Variants in KCNJ2 observed in about 807,000 individuals in gnomAD.
The protein encoded by KCNJ2 is inward rectifier potassium channel 2.
A neutral mutation model predicts 28.4 loss-of-function variants in KCNJ2; 12 were observed. The observed-to-expected ratio is 0.42, with a 90% CI of 0.27 to 0.68. The LOEUF (loss-of-function observed/expected upper bound fraction) is 0.68, where lower values mean the gene tolerates loss of function less well. KCNJ2 is among the 30% of genes least tolerant of loss of function. The pLI, the probability that KCNJ2 is intolerant of heterozygous loss-of-function variation, is 0.23. For missense variants in KCNJ2, 320 were observed against 551.3 expected (o/e 0.58, Z 4.20); for synonymous variants, 200 against 203.2 (o/e 0.98, Z 0.13).
rs2074411232 is a variant in KCNJ2, at chr17:70,178,967, T to A, written c.*2644T>A. 6.0e-6 allele frequency: 1 copy of A among 166,864 alleles called. No individual in the cohort carries two copies. Among genetic ancestry groups the A allele is most frequent in the African/African-American group, 2.4e-5 (1 of 41,384 alleles). The allele number at this position is 166,864 out of a possible 1,614,324, so 10.3% of individuals were successfully genotyped here. A position where few individuals can be genotyped will look rare whatever the true frequency, so the allele number is the denominator to read the frequency against. ...ATATACCAGCCTTATAAGGTTCGTA[T>A]TGCTATGTTCTTCTGTTATTTATTT... On this transcript the variant is annotated 3_prime_UTR_variant, in exon 2 of 2. Coordinates refer to ENST00000243457, the MANE Select transcript of KCNJ2 (RefSeq NM_000891.3).
intron 1 of KCNJ2, among the ~76,000 whole-genome samples, chr17:70,171,540 T>A (rs1268168130): frequency 6.6e-6 from 1 of 151,694 alleles, no homozygotes; most frequent in Non-Finnish European, 1.5e-5. Context: ...TTTTTTTTTT[T>A]AGTTATTTAT....
Position 70,179,138 on chromosome 17 carries a change from C to T in KCNJ2, c.*2815C>T, listed in dbSNP as rs1161723070. 1 of 122,860 alleles carries T rather than the reference C, an allele frequency of 8.1e-6. No individual in the cohort carries two copies. Among genetic ancestry groups the T allele is most frequent in the Non-Finnish European group, 1.7e-5 (1 of 60,068 alleles). 7.6% of individuals were successfully genotyped at this position (122,860 alleles called of 1,614,324 possible). Reference sequence around the variant, plus strand: ...CACAGGTAATGCACGACATTGATTGCTGCATTTTACCTTCAAAATATTTGT... The same window carrying T: ...CACAGGTAATGCACGACATTGATTGTTGCATTTTACCTTCAAAATATTTGT... On this transcript the variant is annotated 3_prime_UTR_variant, in exon 2 of 2. Coordinates refer to ENST00000243457, the MANE Select transcript of KCNJ2 (RefSeq NM_000891.3).
In KCNJ2 at chr17:70,178,637, A is replaced by G. The variant is rs1295980757; in HGVS notation, c.*2314A>G. 2 of 158,842 alleles carry G rather than the reference A, an allele frequency of 1.3e-5. No homozygotes were observed. Among genetic ancestry groups the G allele is most frequent in the African/African-American group, 5.1e-5 (2 of 39,102 alleles). 9.8% of individuals were successfully genotyped at this position (158,842 alleles called of 1,614,324 possible). A position where few individuals can be genotyped will look rare whatever the true frequency, so the allele number is the denominator to read the frequency against. On this transcript the variant is annotated 3_prime_UTR_variant, in exon 2 of 2. Transcript: ENST00000243457. ...TGCTGCCACTTAAAAAGACTTGAGAAATTTGAAAGGGGGTGGGTATGGGGG... is the reference window on the plus strand; with the variant it reads ...TGCTGCCACTTAAAAAGACTTGAGAGATTTGAAAGGGGGTGGGTATGGGGG...
intron 1 of KCNJ2, among the ~76,000 whole-genome samples, chr17:70,173,825 C>A (rs1414328370): frequency 6.6e-6 from 1 of 152,176 alleles, no homozygotes; most frequent in Non-Finnish European, 1.5e-5. Context: ...TTATCTCAAT[C>A]CGCTAAAGAC....
chr17:70,173,684 C>G (rs1016978275), intron 1 of KCNJ2, among the ~76,000 whole-genome samples: 2 of 152,160 alleles, frequency 1.3e-5, no homozygotes, highest in African/African-American at 4.8e-5. Context: ...AGTGCCTTCT[C>G]CATAGGAACC....
chr17:70,175,384 A>G lies in KCNJ2; in HGVS notation c.345A>G (p.Ala115=). The change falls in exon 2 of 2, where the codon GCA becomes GCG. Residue 115 remains alanine (A), a synonymous_variant. Coordinates refer to ENST00000243457, the MANE Select transcript of KCNJ2 (RefSeq NM_000891.3). This position sits in a 1 kb window ranked among gnomAD's most constrained non-coding sequence, Gnocchi z 8.3. ...CTCTGCTCCATGGGGACCTGGATGC[A>G]TCCAAAGAGGGCAAAGCTTGTGTGT... The part of the protein sequence containing the change: ...LIALLHGDLD[A]SKEGKACVSE... 1 of 1,614,130 alleles carries G rather than the reference A, an allele frequency of 6.2e-7. No individual in the cohort carries two copies.
intron 1 of KCNJ2, among the ~76,000 whole-genome samples, chr17:70,173,170 G>A (rs2074373914): frequency 6.6e-6 from 1 of 152,184 alleles, no homozygotes; most frequent in African/African-American, 2.4e-5. Context: ...CTTGGATAAA[G>A]AAGAAGTCAA....
intron 1 of KCNJ2, among the ~76,000 whole-genome samples, chr17:70,171,745 C>T (rs1019537534): frequency 6.6e-6 from 1 of 152,178 alleles, no homozygotes; most frequent in Non-Finnish European, 1.5e-5. Context: ...TTAACATGAA[C>T]AGCACCACAT....
chr17:70,170,296 CAT>C (rs1323425721), intron 1 of KCNJ2, among the ~76,000 whole-genome samples: 1 of 152,018 alleles, frequency 6.6e-6, no homozygotes, highest in African/African-American at 2.4e-5. Flanking sequence ...AAAACTTTCA[CAT>C]TACATATCAC....
rs113415446 is a variant in KCNJ2 at position 70,178,657 on chromosome 17, T to TG, written c.*2342dup. On this transcript the variant is annotated 3_prime_UTR_variant, in exon 2 of 2. Coordinates refer to ENST00000243457, the MANE Select transcript of KCNJ2 (RefSeq NM_000891.3). ...TGAGAAATTTGAAAGGGGGTGGGTA[T>TG]GGGGGGGGCAAGAAAGAGGGAGGGA... 3.2e-3 allele frequency: 175 copies of TG among 54,988 alleles called. No individual in the cohort carries two copies. Among genetic ancestry groups the TG allele is most frequent in the Middle Eastern group, 0.02 (2 of 100 alleles). The allele number at this position is 54,988 out of a possible 1,614,324, so 3.4% of individuals were successfully genotyped here. A position where few individuals can be genotyped will look rare whatever the true frequency, so the allele number is the denominator to read the frequency against.
In KCNJ2 at chr17:70,176,131, G is replaced by A. The variant is rs755990211; in HGVS notation, c.1092G>A (p.Lys364=). ...PLCSARDLAE[K]KYILSNANSF... ...GTAGTGCCAGAGACTTAGCAGAAAA[G>A]AAATATATCCTCTCAAATGCAAATT... The change falls in exon 2 of 2, where the codon AAG becomes AAA. Residue 364 remains lysine, a synonymous_variant. Coordinates refer to ENST00000243457, the MANE Select transcript of KCNJ2 (RefSeq NM_000891.3). 1 of 1,613,900 alleles carries A rather than the reference G, an allele frequency of 6.2e-7. No individual in the cohort carries two copies. Among genetic ancestry groups the A allele is most frequent in the Non-Finnish European group, 8.5e-7 (1 of 1,180,026 alleles).
Position 70,176,397 on chromosome 17 carries a change from G to A in KCNJ2, c.*74G>A, listed in dbSNP as rs1403672606. ...GTCAGAGGCCCAAAACAGTTATACA[G>A]ATGACGGTACTGGTCAAGATGGGTC... is the stretch of plus-strand genomic sequence containing the variant. On this transcript the variant is annotated 3_prime_UTR_variant, in exon 2 of 2. Transcript: ENST00000243457. 7.2e-7 allele frequency: 1 copy of A among 1,387,504 alleles called. No individual in the cohort carries two copies. The highest frequency in any genetic ancestry group is 1.4e-5 in the African/African-American group (1 of 70,434). The allele number at this position is 1,387,504 out of a possible 1,614,324, so 85.9% of individuals were successfully genotyped here. A position where few individuals can be genotyped will look rare whatever the true frequency, so the allele number is the denominator to read the frequency against.
In KCNJ2 at chr17:70,178,035, T is replaced by C. The variant is rs963688225; in HGVS notation, c.*1712T>C. On this transcript the variant is annotated 3_prime_UTR_variant, in exon 2 of 2. Transcript: ENST00000243457. The stretch of plus-strand genomic sequence containing the variant: ...AGCTCAATAATGGAACTCTTTTTTT[T>C]TTTTTTTTTAATTTAAAGTTCCCTA... 1 of 159,802 alleles carries C rather than the reference T, an allele frequency of 6.3e-6. No homozygotes were observed. The allele number at this position is 159,802 out of a possible 1,614,324, so 9.9% of individuals were successfully genotyped here.
In KCNJ2 at chr17:70,179,070, T is replaced by TC. The variant is rs2074412608; in HGVS notation, c.*2747_*2748insC. On this transcript the variant is annotated 3_prime_UTR_variant, in exon 2 of 2. Transcript: ENST00000243457. ...TTACAAGCTTTAAATGGCAATTTTT[T>TC]TTTTTTTTTTTTTTTTTTTTTTTTT... 4.3e-5 allele frequency: 5 copies of TC among 116,720 alleles called. 1 individual carries two copies. The highest frequency in any genetic ancestry group is 2.0e-4 in the African/African-American group (5 of 25,346). 7.2% of individuals were successfully genotyped at this position (116,720 alleles called of 1,614,324 possible).
chr17:70,176,401 A>G lies in KCNJ2; in HGVS notation c.*78A>G. The G allele has an allele frequency of 7.4e-7, 1 of 1,350,974 alleles. No individual in the cohort carries two copies. Among genetic ancestry groups the G allele is most frequent in the African/African-American group, 1.4e-5 (1 of 69,816 alleles). 83.7% of individuals were successfully genotyped at this position (1,350,974 alleles called of 1,614,324 possible). A position where few individuals can be genotyped will look rare whatever the true frequency, so the allele number is the denominator to read the frequency against. ...GAGGCCCAAAACAGTTATACAGATG[A>G]CGGTACTGGTCAAGATGGGTCAAGC... On this transcript the variant is annotated 3_prime_UTR_variant, in exon 2 of 2. Transcript: ENST00000243457.
At position 70,174,430 on chromosome 17, in the gene KCNJ2, C is replaced by T. The variant is rs1057034421; in HGVS notation, c.-216-394C>T. On this transcript the variant is annotated intron_variant, in intron 1 of 1. Transcript: ENST00000243457. The stretch of plus-strand genomic sequence containing the variant: ...ACATGTCCTTTTTCCAAAAATTTTA[C>T]GACAAACCTTGGAATCAGACAGTCT... 5.9e-5 allele frequency among the ~76,000 whole-genome samples: 9 copies of T among 152,190 alleles called. No individual in the cohort carries two copies. In the East Asian group the frequency reaches 7.7e-4, roughly 13 times the overall value.
chr17:70,174,224 G>A (rs1046979199), intron 1 of KCNJ2, among the ~76,000 whole-genome samples: 3 of 152,132 alleles, frequency 2.0e-5, no homozygotes, highest in Non-Finnish European at 4.4e-5. Flanking sequence ...CTATTTGTAG[G>A]TGGGAATCTG....
Position 70,174,831 on chromosome 17 carries a change from T to G in KCNJ2, c.-209T>G. On this transcript the variant is annotated 5_prime_UTR_variant, in exon 2 of 2. Transcript: ENST00000243457. ...GTCTCTCTTTTCTTGCAGGACATGTTCTCTGGATGTCAGCTGAGTCATTAA... is the reference window on the plus strand; with the variant it reads ...GTCTCTCTTTTCTTGCAGGACATGTGCTCTGGATGTCAGCTGAGTCATTAA... 1 of 624,768 alleles carries G rather than the reference T, an allele frequency of 1.6e-6. No homozygotes were observed. Among genetic ancestry groups the G allele is most frequent in the Non-Finnish European group, 2.9e-6 (1 of 349,036 alleles). The allele number at this position is 624,768 out of a possible 1,614,324, so 38.7% of individuals were successfully genotyped here. A position where few individuals can be genotyped will look rare whatever the true frequency, so the allele number is the denominator to read the frequency against.
In KCNJ2 at chr17:70,176,038, G is replaced by C; in HGVS notation, c.999G>C (p.Glu333Asp). Residue 333 changes from glutamate (E) to aspartate (D), a missense_variant, in exon 2 of 2, where the codon GAG (glutamate) becomes GAC (aspartate). Physicochemically the swap from Glu to Asp is conservative, Grantham distance 45. Coordinates refer to ENST00000243457, the MANE Select transcript of KCNJ2 (RefSeq NM_000891.3). The stretch of plus-strand genomic sequence containing the variant: ...GCTATGAGCCTGTGCTCTTTGAAGA[G>C]AAGCACTACTACAAAGTGGACTATT... ...GHRYEPVLFE[E>D]KHYYKVDYSR... 1 of 1,614,126 alleles carries C rather than the reference G, an allele frequency of 6.2e-7. No individual in the cohort carries two copies. Among genetic ancestry groups the C allele is most frequent in the Non-Finnish European group, 8.5e-7 (1 of 1,180,032 alleles).
Sources: allele counts gnomAD v4.1 joint callset (sites outside exome capture counted in the v4.1 genomes callset), GRCh38; gene constraint gnomAD v4.1.1; non-coding constraint Gnocchi (gnomAD v3.1); transcripts MANE v1.5; gene names NCBI Gene and HGNC (gene_info 2026-07-23, HGNC 2026-07-21).